CACNA1C: variants seen among roughly 807,000 people sequenced by gnomAD.
The protein encoded by CACNA1C is calcium voltage-gated channel subunit alpha1 C, also known as voltage-dependent L-type calcium channel subunit alpha-1C.
Under a neutral mutation model 229.0 loss-of-function variants are expected in CACNA1C, and 30 were observed. The observed-to-expected ratio is 0.13, with a 90% CI of 0.10 to 0.18. The LOEUF is 0.18. CACNA1C is among the 10% of genes least tolerant of loss of function. CACNA1C has a pLI of 1.00. For synonymous variants in CACNA1C, 1,114 were observed against 1,132.5 expected (o/e 0.98, Z 0.33); for missense variants, 1,658 against 2,845.0 (o/e 0.58, Z 9.49).
chr12:2,486,307 C>A lies in CACNA1C; in HGVS notation c.916+45C>A. ...GCGCTCCCAAGGCCCTGCCCTCTAT[C>A]GCTCCCAGCACCTTTCCCGCTGCTG... On this transcript the variant is annotated intron_variant, in intron 6 of 46. Coordinates refer to ENST00000399655, the MANE Select transcript of CACNA1C (RefSeq NM_000719.7). The surrounding 1 kb of genome is among the most constrained non-coding windows in gnomAD (Gnocchi z 4.9). The A allele has an allele frequency of 6.4e-7, 1 of 1,553,310 alleles. No individual in the cohort carries two copies. Among genetic ancestry groups the A allele is most frequent in the Non-Finnish European group, 8.8e-7 (1 of 1,135,308 alleles).
At chr12:2,161,019 A>G (rs1466937509) in intron 3 of CACNA1C, among the ~76,000 whole-genome samples, 1 of 152,132 alleles carries the variant, frequency 6.6e-6, no homozygotes, top group Non-Finnish European at 1.5e-5. Flanking sequence ...ACAGGGTTTC[A>G]CCATGTTAGC....
At chr12:2,634,711 G>A (rs527594671) in intron 30 of CACNA1C, among the ~76,000 whole-genome samples, 1 of 152,136 alleles carries the variant, frequency 6.6e-6, no homozygotes, top group African/African-American at 2.4e-5. Flanking sequence ...AGAACATGAG[G>A]GGATGTTTGC....
intron 3 of CACNA1C, among the ~76,000 whole-genome samples, chr12:2,357,630 T>G (rs967424932): frequency 4.0e-5 from 6 of 149,890 alleles, no homozygotes; most frequent in African/African-American, 1.5e-4. Context: ...GGCTTTAGTC[T>G]GCTTGTTTTT....
chr12:2,663,932 A>G (rs1966439), intron 34 of CACNA1C, among the ~76,000 whole-genome samples: 88,326 of 150,342 alleles, frequency 0.59, 29,423 homozygotes, highest in Admixed American at 0.73. Flanking sequence ...AGTAGAGACG[A>G]GGCTTCACCA....
intron 37 of CACNA1C, among the ~76,000 whole-genome samples, chr12:2,668,078 G>A (rs1156829320): frequency 1.3e-5 from 2 of 152,224 alleles, no homozygotes; most frequent in Admixed American, 6.5e-5. Flanking sequence ...TCAATACACA[G>A]AGAGGACATG....
intron 3 of CACNA1C, among the ~76,000 whole-genome samples, chr12:2,344,737 C>T (rs894038214): frequency 1.3e-5 from 2 of 151,826 alleles, no homozygotes; most frequent in African/African-American, 4.8e-5. Flanking sequence ...AGGCACTTGC[C>T]CAATGCCCCA....
At chr12:2,655,427 C>T (rs777678351) in intron 34 of CACNA1C, among the ~76,000 whole-genome samples, 189 bp downstream of exon 34, 3 of 152,166 alleles carry the variant, frequency 2.0e-5, no homozygotes, top group Non-Finnish European at 2.9e-5. Flanking sequence ...CACAGAGCAA[C>T]CCACTATGCA....
At position 2,053,715 on chromosome 12, in the gene CACNA1C, G is replaced by T; in HGVS notation, c.49+104G>T. On this transcript the variant is annotated intron_variant, in intron 1 of 46. Transcript: ENST00000399655. This position sits in a 1 kb window ranked among gnomAD's most constrained non-coding sequence, Gnocchi z 5.8. The stretch of plus-strand genomic sequence containing the variant: ...CCCCGGGGCCGGTCCCTGCGGAGTG[G>T]CCCGGGGCCGCGTCCGCGAGGGGCG... 1.0e-6 allele frequency: 1 copy of T among 989,786 alleles called. No individual in the cohort carries two copies. The highest frequency in any genetic ancestry group is 1.3e-6 in the Non-Finnish European group (1 of 791,228). The allele number at this position is 989,786 out of a possible 1,614,324, so 61.3% of individuals were successfully genotyped here.
In CACNA1C at chr12:2,581,587, C is replaced by T; in HGVS notation, c.1896-3C>T. On this transcript the variant is annotated splice_region_variant and splice_polypyrimidine_tract_variant and intron_variant, in intron 13 of 46. Coordinates refer to ENST00000399655, the MANE Select transcript of CACNA1C (RefSeq NM_000719.7). Reference sequence around the variant, plus strand: ...TGCTGACCTCCCTCCTGTTGGCTCTCAGGTACTGGAACTCCTTGAGCAACC... The same window carrying T: ...TGCTGACCTCCCTCCTGTTGGCTCTTAGGTACTGGAACTCCTTGAGCAACC... The T allele has an allele frequency of 6.4e-7, 1 of 1,552,516 alleles. No individual in the cohort carries two copies. The highest frequency in any genetic ancestry group is 8.7e-7 in the Non-Finnish European group (1 of 1,146,684).
chr12:2,651,335 T>C lies in CACNA1C; in HGVS notation c.3946-305T>C, dbSNP rs1021748454. The C allele has an allele frequency of 8.0e-6, 4 of 500,510 alleles. No individual in the cohort carries two copies. The highest frequency in any genetic ancestry group is 1.9e-5 in the African/African-American group (1 of 52,188). The allele number at this position is 500,510 out of a possible 1,614,324, so 31.0% of individuals were successfully genotyped here. The stretch of plus-strand genomic sequence containing the variant: ...TTCCAAAGCCTATGGTAGTTCCTGA[T>C]GGAGTCGTCTGTCCTCCATCCAGGG... On this transcript the variant is annotated intron_variant, in intron 31 of 46. Coordinates refer to ENST00000399655, the MANE Select transcript of CACNA1C (RefSeq NM_000719.7). This position sits in a 1 kb window ranked among gnomAD's most constrained non-coding sequence, Gnocchi z 5.4.
At chr12:2,398,659 A>G (rs961131586) in intron 3 of CACNA1C, among the ~76,000 whole-genome samples, 1 of 152,236 alleles carries the variant, frequency 6.6e-6, no homozygotes, top group Non-Finnish European at 1.5e-5. Context: ...ATTCCAGGTC[A>G]GAACAGGGTG....
chr12:2,260,901 A>G (rs1218219074), intron 3 of CACNA1C, among the ~76,000 whole-genome samples: 2 of 152,164 alleles, frequency 1.3e-5, no homozygotes, highest in Non-Finnish European at 2.9e-5. Flanking sequence ...ATAGCTACTC[A>G]TGTTTATTGT....
At position 2,574,177 on chromosome 12, in the gene CACNA1C, T is replaced by C. The variant is rs116584449; in HGVS notation, c.1895+6383T>C. Among the ~76,000 whole-genome samples, 522 of 152,304 alleles carry C rather than the reference T, an allele frequency of 3.4e-3. 2 individuals are homozygous for C. Among genetic ancestry groups the C allele is most frequent in the African/African-American group, 0.012 (492 of 41,566 alleles). On this transcript the variant is annotated intron_variant, in intron 13 of 46. Coordinates refer to ENST00000399655, the MANE Select transcript of CACNA1C (RefSeq NM_000719.7). Reference sequence around the variant, plus strand: ...CAAGATTCCTGCTCATTGAAAACAGTGGGGCACACGCATGGCCGGAATCTT... The same window carrying C: ...CAAGATTCCTGCTCATTGAAAACAGCGGGGCACACGCATGGCCGGAATCTT...
At chr12:2,413,012 G>A (rs920957412) in intron 3 of CACNA1C, among the ~76,000 whole-genome samples, 6 of 152,268 alleles carry the variant, frequency 3.9e-5, no homozygotes, top group East Asian at 3.9e-4. Flanking sequence ...TTCTTGGGCC[G>A]ACCCAATGCT....
chr12:2,058,678 A>G (rs2056234353), intron 1 of CACNA1C, among the ~76,000 whole-genome samples: 1 of 152,222 alleles, frequency 6.6e-6, no homozygotes, highest in Non-Finnish European at 1.5e-5. Flanking sequence ...GTTTACATGT[A>G]CCTCAAGGTT....
intron 3 of CACNA1C, among the ~76,000 whole-genome samples, chr12:2,126,870 G>A (rs1318185754): frequency 6.6e-6 from 1 of 152,194 alleles, no homozygotes; most frequent in East Asian, 1.9e-4. Context: ...CTCTAAGCCA[G>A]GCTGAGGGCC....
chr12:2,108,693 A>C lies in CACNA1C; in HGVS notation c.50-6531A>C, dbSNP rs142875165. ...AGCACACACCATCCTTCCAGAGAGG[A>C]GTGCCACTGGGGTTGAGATGACAGG... On this transcript the variant is annotated intron_variant, in intron 1 of 46. Coordinates refer to ENST00000399655, the MANE Select transcript of CACNA1C (RefSeq NM_000719.7). This position sits in a 1 kb window ranked among gnomAD's most constrained non-coding sequence, Gnocchi z 5.3. 3.7e-4 allele frequency among the ~76,000 whole-genome samples: 57 copies of C among 152,254 alleles called. 2 individuals are homozygous for C. Among genetic ancestry groups the C allele is most frequent in the African/African-American group, 1.2e-3 (50 of 41,540 alleles).
chr12:2,604,120 A>G (rs1359261795), intron 22 of CACNA1C, among the ~76,000 whole-genome samples: 1 of 152,244 alleles, frequency 6.6e-6, no homozygotes, highest in East Asian at 1.9e-4. Context: ...GCCAGTTTTT[A>G]TACAGAAAAG....
At chr12:2,628,758 C>G (rs760354307) in intron 29 of CACNA1C, among the ~76,000 whole-genome samples, 1 of 151,082 alleles carries the variant, frequency 6.6e-6, no homozygotes, top group Non-Finnish European at 1.5e-5. Context: ...AAAAATTAAA[C>G]AATTAGAGGG....
Sources: gnomAD v4.1 joint callset for allele counts (sites outside exome capture counted in the v4.1 genomes callset) on GRCh38, gnomAD v4.1.1 for gene constraint, Gnocchi (gnomAD v3.1) non-coding constraint, MANE v1.5 for transcripts, NCBI Gene and HGNC (gene_info 2026-07-23, HGNC 2026-07-21) for gene names.